Variants in FRK observed in about 807,000 individuals in gnomAD.
The protein encoded by FRK is fyn related Src family tyrosine kinase, also known as tyrosine-protein kinase FRK.
FRK carries 51 observed loss-of-function variants against 56.4 expected under a neutral mutation model. That is an observed-to-expected ratio of 0.90 (90% CI 0.72 to 1.14). FRK has a LOEUF of 1.14. Ranked by LOEUF, FRK falls within the 50% of genes most tolerant of loss-of-function variation. FRK has a pLI of 0.00. For missense variants in FRK, 570 were observed against 601.4 expected, an observed-to-expected ratio of 0.95 and a Z score of 0.55; for synonymous variants, 245 against 217.9, an observed-to-expected ratio of 1.12 and a Z score of -1.10.
At chr6:115,953,547 G>A (rs1011540298) in intron 5 of FRK, among the ~76,000 whole-genome samples, 15 of 152,166 alleles carry the variant, frequency 9.9e-5, no homozygotes, top group African/African-American at 3.6e-4. Flanking sequence ...TCTGCAGTGA[G>A]CATTTGTTCA....
At chr6:116,076,873 G>A in the FRK span, among the ~76,000 whole-genome samples, 1 of 152,158 alleles carries the variant, frequency 6.6e-6, no homozygotes, top group Admixed American at 6.5e-5. Context: ...ATCTGAACTT[G>A]TCCAAGAAAG....
intron 1 of FRK, among the ~76,000 whole-genome samples, chr6:116,012,247 A>G (rs1348463309): frequency 1.3e-5 from 2 of 152,166 alleles, no homozygotes; most frequent in Non-Finnish European, 2.9e-5. Flanking sequence ...ATACACATAA[A>G]TAAGGGGTAT....
intron 1 of FRK, among the ~76,000 whole-genome samples, chr6:116,007,684 T>C (rs1775294586): frequency 6.6e-6 from 1 of 152,202 alleles, no homozygotes; most frequent in Non-Finnish European, 1.5e-5. Context: ...GTTTCTACCT[T>C]CAGGTTGTAA....
chr6:116,041,620 C>T (rs754393022), intron 1 of FRK, among the ~76,000 whole-genome samples: 2 of 152,132 alleles, frequency 1.3e-5, no homozygotes, highest in East Asian at 1.9e-4. Flanking sequence ...AATGAGGCGT[C>T]GCCTCACCCA....
chr6:115,975,342 A>T (rs1308103044), intron 2 of FRK, among the ~76,000 whole-genome samples: 2 of 152,310 alleles, frequency 1.3e-5, no homozygotes, highest in East Asian at 3.9e-4. Context: ...TAAAAATAAG[A>T]CAACAAAAGC....
intron 2 of FRK, among the ~76,000 whole-genome samples, chr6:115,994,001 G>T (rs1774724234): frequency 1.3e-5 from 2 of 151,932 alleles, no homozygotes; most frequent in African/African-American, 2.4e-5. Flanking sequence ...AAATGTAGGA[G>T]TTTTCTATCT....
At chr6:116,000,961 C>T (rs775250473) in intron 2 of FRK, among the ~76,000 whole-genome samples, 30 of 152,264 alleles carry the variant, frequency 2.0e-4, no homozygotes, top group East Asian at 1.4e-3. Flanking sequence ...GAGCTTGGGC[C>T]GGGCGTGGTG....
chr6:115,945,615 T>G (rs959877366), intron 5 of FRK, among the ~76,000 whole-genome samples: 2 of 152,180 alleles, frequency 1.3e-5, no homozygotes, highest in African/African-American at 4.8e-5. Flanking sequence ...CTAACTTTTA[T>G]GGCTGAGCCA....
In FRK at chr6:115,985,559, A is replaced by T. The variant is rs114269784; in HGVS notation, c.467-16820T>A. 6.0e-3 allele frequency among the ~76,000 whole-genome samples: 916 copies of T among 152,256 alleles called. 4 individuals carry two copies. The highest frequency in any genetic ancestry group is 0.021 in the African/African-American group (869 of 41,562). On this transcript the variant is annotated intron_variant, in intron 2 of 7. Coordinates refer to ENST00000606080, the MANE Select transcript of FRK (RefSeq NM_002031.3). ...GTTCTGAGTCAGATAGCCTGGCTATAAACCTCAGATTCTTTACTTTCTAGC... is the reference window on the plus strand; with the variant it reads ...GTTCTGAGTCAGATAGCCTGGCTATTAACCTCAGATTCTTTACTTTCTAGC...
intron 1 of FRK, among the ~76,000 whole-genome samples, chr6:116,052,133 A>G (rs1307809410): frequency 6.6e-6 from 1 of 152,134 alleles, no homozygotes; most frequent in Non-Finnish European, 1.5e-5. Context: ...TCCTGACTTG[A>G]TATTCAGTCT....
At chr6:115,992,501 C>T (rs1280297924) in intron 2 of FRK, among the ~76,000 whole-genome samples, 1 of 151,670 alleles carries the variant, frequency 6.6e-6, no homozygotes, top group Non-Finnish European at 1.5e-5. Flanking sequence ...CAAAGTGTTT[C>T]TCCAAATAGT....
intron 5 of FRK, among the ~76,000 whole-genome samples, chr6:115,954,291 C>G (rs898224015): frequency 6.6e-6 from 1 of 152,116 alleles, no homozygotes; most frequent in Non-Finnish European, 1.5e-5. Context: ...GAGAGCCAGG[C>G]CATGCAGGAC....
At chr6:116,075,594 G>A in the FRK span, among the ~76,000 whole-genome samples, 1 of 151,926 alleles carries the variant, frequency 6.6e-6, no homozygotes, top group East Asian at 1.9e-4. Context: ...AGAAATTAAC[G>A]CTCTTCATTG....
At chr6:115,971,788 C>T (rs1376770431) in intron 2 of FRK, among the ~76,000 whole-genome samples, 2 of 152,224 alleles carry the variant, frequency 1.3e-5, no homozygotes, top group Non-Finnish European at 2.9e-5. Flanking sequence ...CGGTCTGGCC[C>T]GCTTCAGGCA....
chr6:115,992,768 G>C (rs3822857), intron 2 of FRK, among the ~76,000 whole-genome samples: 50,066 of 151,472 alleles, frequency 0.33, 8,607 homozygotes, highest in Middle Eastern at 0.42. Context: ...TAATACAAAC[G>C]ATTAGACAAG....
In FRK at chr6:116,054,530, ATATAG is replaced by A. The variant is rs1179185326; in HGVS notation, c.344+5433_344+5437del. ...AATATTATACTATATATTATATATT[ATATAG>A]TATAATATAGTATAATACTATATTT... On this transcript the variant is annotated intron_variant, in intron 1 of 7. Transcript: ENST00000606080. Among the ~76,000 whole-genome samples, 3 of 144,898 alleles carry A rather than the reference ATATAG, an allele frequency of 2.1e-5. No individual in the cohort carries two copies. In the Admixed American group the frequency reaches 2.1e-4, roughly 10 times the overall value.
intron 1 of FRK, among the ~76,000 whole-genome samples, chr6:116,055,942 T>C (rs1452712464): frequency 6.6e-6 from 1 of 152,212 alleles, no homozygotes; most frequent in Non-Finnish European, 1.5e-5. Flanking sequence ...GTTGTTATCA[T>C]AACTTAAACT....
At chr6:115,959,441 A>G (rs1446318920) in intron 4 of FRK, among the ~76,000 whole-genome samples, 2 of 152,218 alleles carry the variant, frequency 1.3e-5, no homozygotes, top group African/African-American at 2.4e-5. Flanking sequence ...AGATTGGACA[A>G]TAAAGTTCAG....
chr6:116,090,315 A>C, the FRK span, among the ~76,000 whole-genome samples: 27,049 of 152,014 alleles, frequency 0.18, 2,857 homozygotes, highest in African/African-American at 0.29. Flanking sequence ...TGCAGGGTGT[A>C]ATGTGATGAT....
Sources: allele counts gnomAD v4.1 joint callset (sites outside exome capture counted in the v4.1 genomes callset), GRCh38; gene constraint gnomAD v4.1.1; transcripts MANE v1.5; gene names NCBI Gene and HGNC (gene_info 2026-07-23, HGNC 2026-07-21).